The following NXN variants were observed in gnomAD, a reference collection of about 807,000 sequenced individuals.
NXN encodes the protein nucleoredoxin 1.
Under a neutral mutation model 48.6 loss-of-function variants are expected in NXN, and 16 were observed. The observed-to-expected ratio is 0.33, with a 90% CI of 0.22 to 0.50. The LOEUF (loss-of-function observed/expected upper bound fraction) is 0.50, where lower values mean the gene tolerates loss of function less well. NXN is among the 20% of genes least tolerant of loss of function. The pLI is 0.98. For missense variants in NXN, 492 were observed against 605.5 expected, an observed-to-expected ratio of 0.81 and a Z score of 1.97; for synonymous variants, 281 against 269.6, an observed-to-expected ratio of 1.04 and a Z score of -0.41.
At chr17:855,525 C>A (rs922599730) in intron 1 of NXN, among the ~76,000 whole-genome samples, 1 of 152,154 alleles carries the variant, frequency 6.6e-6, no homozygotes. Context: ...GTTCTATTCA[C>A]GAACAGGTTT....
intron 2 of NXN, among the ~76,000 whole-genome samples, chr17:824,995 C>T (rs1036215612): frequency 2.0e-5 from 3 of 152,044 alleles, no homozygotes; most frequent in South Asian, 2.1e-4. Context: ...TTTGGGAGGC[C>T]GAGGTGGGCG....
At chr17:940,555 T>G (rs1319327664) in intron 1 of NXN, among the ~76,000 whole-genome samples, 3 of 152,174 alleles carry the variant, frequency 2.0e-5, no homozygotes, top group African/African-American at 7.2e-5. Context: ...CTTTCACCAC[T>G]CAGAACCAGG....
chr17:831,709 A>G (rs1026268204), intron 1 of NXN, among the ~76,000 whole-genome samples: 5 of 151,798 alleles, frequency 3.3e-5, no homozygotes, highest in Non-Finnish European at 7.4e-5. Context: ...CCTGTTGGCC[A>G]GGCTGGTTTG....
At chr17:959,617 T>C (rs921557311) in intron 1 of NXN, among the ~76,000 whole-genome samples, 4 of 150,916 alleles carry the variant, frequency 2.7e-5, no homozygotes, top group Non-Finnish European at 2.9e-5. Context: ...GCCAACATGG[T>C]GAACCCCTTT....
chr17:949,809 C>G (rs1382821435), intron 1 of NXN, among the ~76,000 whole-genome samples: 2 of 151,514 alleles, frequency 1.3e-5, no homozygotes, highest in Admixed American at 6.6e-5. Flanking sequence ...CTCTGAGACC[C>G]TGGAGAGCCA....
intron 1 of NXN, among the ~76,000 whole-genome samples, chr17:868,364 G>A (rs948329370): frequency 3.9e-5 from 6 of 152,110 alleles, no homozygotes; most frequent in African/African-American, 1.2e-4. Context: ...TATCTCCCTC[G>A]AACTCTCATC....
chr17:899,314 T>A (rs1432318274), intron 1 of NXN, among the ~76,000 whole-genome samples: 3 of 152,170 alleles, frequency 2.0e-5, no homozygotes, highest in Admixed American at 2.0e-4. Context: ...ACTGTCTCCT[T>A]ACTTTGCTTA....
chr17:943,269 A>G (rs555502088), intron 1 of NXN, among the ~76,000 whole-genome samples: 2 of 152,304 alleles, frequency 1.3e-5, no homozygotes, highest in East Asian at 3.9e-4. Flanking sequence ...TACCCAGCGA[A>G]CCACCGACTC....
chr17:908,710 T>C (rs1280274870), intron 1 of NXN, among the ~76,000 whole-genome samples: 2 of 152,132 alleles, frequency 1.3e-5, no homozygotes, highest in Middle Eastern at 3.2e-3. Context: ...ACAACTGTCT[T>C]CAGACCAAAA....
At chr17:936,277 C>T (rs1043128479) in intron 1 of NXN, among the ~76,000 whole-genome samples, 2 of 152,014 alleles carry the variant, frequency 1.3e-5, no homozygotes, top group Non-Finnish European at 2.9e-5. Context: ...AGACCAGAAA[C>T]GTCCCCTGCG....
At chr17:868,046 A>T (rs56357215) in intron 1 of NXN, among the ~76,000 whole-genome samples, 1 of 151,990 alleles carries the variant, frequency 6.6e-6, no homozygotes, top group African/African-American at 2.4e-5. Flanking sequence ...CAGCAGGGAC[A>T]TGTGTTGTGC....
intron 1 of NXN, among the ~76,000 whole-genome samples, chr17:845,824 C>T (rs551180802): frequency 3.9e-4 from 59 of 152,370 alleles, no homozygotes; most frequent in African/African-American, 1.3e-3. Flanking sequence ...CCCAACACTT[C>T]GGGAGGCCGA....
chr17:810,803 C>G (rs9904884), intron 5 of NXN, among the ~76,000 whole-genome samples: 7,648 of 152,128 alleles, frequency 0.05, 489 homozygotes, highest in African/African-American at 0.15. Flanking sequence ...GCAGGAGAAT[C>G]GCTTGAACGC....
chr17:900,336 G>A (rs554102762), intron 1 of NXN, among the ~76,000 whole-genome samples: 1 of 152,242 alleles, frequency 6.6e-6, no homozygotes, highest in South Asian at 2.1e-4. Flanking sequence ...AAGAGAGACA[G>A]CATTTTATAG....
intron 1 of NXN, among the ~76,000 whole-genome samples, chr17:937,978 G>A (rs191438598): frequency 1.5e-3 from 228 of 152,358 alleles, no homozygotes; most frequent in African/African-American, 5.0e-3. Context: ...AGGGGCCGTC[G>A]CTGAAGAAGA....
At chr17:895,334 G>A (rs1417576874) in intron 1 of NXN, among the ~76,000 whole-genome samples, 2 of 151,684 alleles carry the variant, frequency 1.3e-5, no homozygotes, top group East Asian at 3.9e-4. Context: ...TCCCTTCATA[G>A]TTCATCTTCT....
intron 1 of NXN, among the ~76,000 whole-genome samples, chr17:934,354 G>C (rs1054026546): frequency 9.9e-5 from 15 of 151,988 alleles, no homozygotes; most frequent in Middle Eastern, 3.4e-3. Context: ...GCTGAGGCAG[G>C]AGAATTGCGT....
chr17:963,847 G>GC (rs1567522437), intron 1 of NXN, among the ~76,000 whole-genome samples: 4 of 152,156 alleles, frequency 2.6e-5, no homozygotes, highest in Admixed American at 6.5e-5. Context: ...GGAGGCCGAG[G>GC]AGGGCAGATC....
In NXN at chr17:898,649, G is replaced by A. The variant is rs1274969825; in HGVS notation, c.361-72571C>T. 4.1e-5 allele frequency among the ~76,000 whole-genome samples: 3 copies of A among 72,316 alleles called. 1 individual carries two copies. The highest frequency in any genetic ancestry group is 9.5e-5 in the African/African-American group (3 of 31,576). The allele number at this position is 72,316 out of a possible 152,430, so 47.4% of individuals were successfully genotyped here. A position where few individuals can be genotyped will look rare whatever the true frequency, so the allele number is the denominator to read the frequency against. Reference sequence around the variant, plus strand: ...AGGCTAAGGTGGGAGGACCACTTCAGGCCAGGAGTTCAAGACCAGGCTGGG... The same window carrying A: ...AGGCTAAGGTGGGAGGACCACTTCAAGCCAGGAGTTCAAGACCAGGCTGGG... On this transcript the variant is annotated intron_variant, in intron 1 of 7. Coordinates refer to ENST00000336868, the MANE Select transcript of NXN (RefSeq NM_022463.5).
Sources: gnomAD v4.1 joint callset for allele counts (sites outside exome capture counted in the v4.1 genomes callset) on GRCh38, gnomAD v4.1.1 for gene constraint, MANE v1.5 for transcripts, NCBI Gene and HGNC (gene_info 2026-07-23, HGNC 2026-07-21) for gene names.